HPS3: variants seen among roughly 807,000 people sequenced by gnomAD.
HPS3 encodes HPS3 biogenesis of lysosomal organelles complex 2 subunit 1.
Under a neutral mutation model 110.9 loss-of-function variants are expected in HPS3, and 79 were observed. The ratio of observed to expected loss-of-function variants is 0.71; its 90% CI spans 0.59 to 0.86. The LOEUF (loss-of-function observed/expected upper bound fraction) is 0.86. HPS3 is among the 40% of genes least tolerant of loss of function. The probability of loss-of-function intolerance (pLI) is 0.00; values close to 1 mark genes in which losing one functional copy is unlikely to be tolerated. For missense variants in HPS3, 1,197 were observed against 1,206.2 expected (o/e 0.99, Z 0.11); for synonymous variants, 428 against 451.0 (o/e 0.95, Z 0.65).
chr3:149,157,314 T>C (rs1490049768), intron 8 of HPS3, 36 bp from the exon 9 acceptor site: 1 of 1,575,484 alleles, frequency 6.3e-7, no homozygotes, highest in Non-Finnish European at 8.7e-7. Flanking sequence ...TGAGAGTCTC[T>C]CTTCAGCAAC....
At chr3:149,152,679 T>C (rs1723206901) in intron 6 of HPS3, among the ~76,000 whole-genome samples, 1 of 152,214 alleles carries the variant, frequency 6.6e-6, no homozygotes, top group South Asian at 2.1e-4. Context: ...CTCCTTTTCC[T>C]CTGAGATTCT....
At chr3:149,170,949 A>AT (rs1007773990) in intron 16 of HPS3, among the ~76,000 whole-genome samples, 5 of 151,866 alleles carry the variant, frequency 3.3e-5, no homozygotes, top group Admixed American at 3.3e-4. Context: ...ATAAAGTTGC[A>AT]TTTTTTTTAA....
At chr3:149,146,782 T>C (rs1273961201) in intron 5 of HPS3, among the ~76,000 whole-genome samples, 2 of 152,182 alleles carry the variant, frequency 1.3e-5, no homozygotes, top group African/African-American at 2.4e-5. Context: ...AAGTGTTGTG[T>C]AGTGATGTTC....
chr3:149,162,268 G>T lies in HPS3; in HGVS notation c.2227G>T (p.Ala743Ser). 1 of 1,613,988 alleles carries T rather than the reference G, an allele frequency of 6.2e-7. No individual in the cohort carries two copies. The highest frequency in any genetic ancestry group is 8.5e-7 in the Non-Finnish European group (1 of 1,179,922). The change falls in exon 12 of 17, where the codon GCT (alanine) becomes TCT (serine). Residue 743 changes from alanine to serine, a missense_variant. Transcript: ENST00000296051. ...LKETQPGLLV[A>S]SVLGLQKNNK... ...GGAAACTCAGCCTGGATTGCTTGTG[G>T]CTTCAGTTCTGGGCTTGCAGAAGAA...
intron 13 of HPS3, 131 bp from the exon 14 acceptor site, chr3:149,163,711 C>G: frequency 1.7e-6 from 1 of 596,200 alleles, no homozygotes. Context: ...ACTTTCCTTC[C>G]CATTCCCAGG....
At chr3:149,171,151 A>C (rs1318234122) in intron 16 of HPS3, among the ~76,000 whole-genome samples, 1 of 151,986 alleles carries the variant, frequency 6.6e-6, no homozygotes, top group Non-Finnish European at 1.5e-5. Context: ...GGTGGTGCGC[A>C]CCTGTAGTCC....
At chr3:149,132,630 TC>T (rs2108116895) in intron 1 of HPS3, among the ~76,000 whole-genome samples, 1 of 152,348 alleles carries the variant, frequency 6.6e-6, no homozygotes, top group African/African-American at 2.4e-5. Flanking sequence ...CAGCATCCAT[TC>T]CGCAGCCCAT....
chr3:149,130,012 T>A, intron 1 of HPS3, 72 bp downstream of exon 1: 1 of 1,390,896 alleles, frequency 7.2e-7, no homozygotes, highest in Non-Finnish European at 9.8e-7. Flanking sequence ...ACCGAACGTC[T>A]GGGCTGTAGC....
intron 1 of HPS3, among the ~76,000 whole-genome samples, chr3:149,131,273 GT>G (rs897288908): frequency 6.6e-6 from 1 of 151,546 alleles, no homozygotes; most frequent in Non-Finnish European, 1.5e-5. Context: ...GGCATACCTT[GT>G]TTTTTTTGCA....
chr3:149,171,866 G>A (rs186411588), intron 16 of HPS3, among the ~76,000 whole-genome samples: 5 of 151,840 alleles, frequency 3.3e-5, no homozygotes, highest in African/African-American at 1.2e-4. Flanking sequence ...CACCATGCCC[G>A]GCTAATTTTT....
At position 149,141,194 on chromosome 3, in the gene HPS3, A is replaced by G. The variant is rs767875239; in HGVS notation, c.884+6A>G. On this transcript the variant is annotated splice_donor_region_variant and intron_variant, in intron 3 of 16. Coordinates refer to ENST00000296051, the MANE Select transcript of HPS3 (RefSeq NM_032383.5). ...TTTCAGCACCTGCTCTATAGGTATTATAGTGCTTTTTTTTTTTTTACCAGC... is the reference window on the plus strand; with the variant it reads ...TTTCAGCACCTGCTCTATAGGTATTGTAGTGCTTTTTTTTTTTTTACCAGC... The G allele has an allele frequency of 1.6e-5, 23 of 1,431,616 alleles. No homozygotes were observed. The East Asian group carries it at 4.2e-4, about 26-fold the overall frequency. 88.7% of individuals were successfully genotyped at this position (1,431,616 alleles called of 1,614,324 possible). A position where few individuals can be genotyped will look rare whatever the true frequency, so the allele number is the denominator to read the frequency against.
At chr3:149,166,486 C>T (rs774115042) in intron 14 of HPS3, among the ~76,000 whole-genome samples, 11 of 152,238 alleles carry the variant, frequency 7.2e-5, no homozygotes, top group Non-Finnish European at 1.5e-4. Flanking sequence ...TAAAACTGAT[C>T]ATGTTCAGAA....
At chr3:149,159,350 G>A (rs745853718) in intron 10 of HPS3, among the ~76,000 whole-genome samples, 12 of 152,146 alleles carry the variant, frequency 7.9e-5, no homozygotes, top group Non-Finnish European at 1.2e-4. Flanking sequence ...ATCACTTGAA[G>A]CCAGAAGTTT....
intron 4 of HPS3, among the ~76,000 whole-genome samples, chr3:149,142,770 G>T (rs960227911): frequency 1.3e-5 from 2 of 152,144 alleles, no homozygotes; most frequent in Non-Finnish European, 2.9e-5. Context: ...ATTGTCTAGT[G>T]GGGGAAGGGA....
rs775492008 is a variant in HPS3 at position 149,129,887 on chromosome 3, G to T, written c.164G>T (p.Arg55Leu). The T allele has an allele frequency of 1.9e-6, 3 of 1,588,468 alleles. No homozygotes were observed. Among genetic ancestry groups the T allele is most frequent in the Non-Finnish European group, 2.6e-6 (3 of 1,172,994 alleles). ...AVAGQELCQP[R>L]CAFSTLGRVL... ...GCCGGCCAGGAGCTGTGCCAGCCGC[G>T]GTGCGCCTTCTCCACGCTGGGCCGG... The change falls in exon 1 of 17, where the codon CGG (arginine) becomes CTG (leucine). Residue 55 changes from arginine (R) to leucine (L), a missense_variant. By Grantham distance (102) the Arg-to-Leu change is moderately radical (BLOSUM62 -2). Coordinates refer to ENST00000296051, the MANE Select transcript of HPS3 (RefSeq NM_032383.5).
Position 149,167,239 on chromosome 3 carries a change from G to T in HPS3, c.2795G>T (p.Arg932Leu). ...YANHELKEEN[R>L]TLWWKKLLPE... Reference sequence around the variant, plus strand: ...AATCATGAACTGAAAGAAGAGAACCGGGTATGCTTTTTCAGATTATGTTTT... The same window carrying T: ...AATCATGAACTGAAAGAAGAGAACCTGGTATGCTTTTTCAGATTATGTTTT... Residue 932 changes from arginine to leucine, a missense_variant and splice_region_variant, in exon 15 of 17, where the codon CGG (arginine) becomes CTG (leucine). By Grantham distance (102) the Arg-to-Leu change is moderately radical. Transcript: ENST00000296051. 6.2e-7 allele frequency: 1 copy of T among 1,609,748 alleles called. No individual in the cohort carries two copies. The highest frequency in any genetic ancestry group is 8.5e-7 in the Non-Finnish European group (1 of 1,177,286).
chr3:149,160,070 A>G lies in HPS3; in HGVS notation c.1897A>G (p.Met633Val). The G allele has an allele frequency of 6.2e-7, 1 of 1,613,848 alleles. No individual in the cohort carries two copies. Among genetic ancestry groups the G allele is most frequent in the Middle Eastern group, 1.7e-4 (1 of 6,060 alleles). The change falls in exon 11 of 17, where the codon ATG becomes GTG. Residue 633 changes from methionine (M) to valine (V), a missense_variant. Met to Val is a conservative substitution (Grantham distance 21). Coordinates refer to ENST00000296051, the MANE Select transcript of HPS3 (RefSeq NM_032383.5). The stretch of plus-strand genomic sequence containing the variant: ...GGAATTAGCAGCAAAAGTGGTTCAG[A>G]TGTTTTATGTGGCTGAGCCAAAGCA... ...NEELAAKVVQ[M>V]FYVAEPKQVP...
rs147159152 is a variant in HPS3 at position 149,155,463 on chromosome 3, G to A, written c.1509+248G>A. On this transcript the variant is annotated intron_variant, in intron 8 of 16. Coordinates refer to ENST00000296051, the MANE Select transcript of HPS3 (RefSeq NM_032383.5). ...TCATACCCACTCTCCTAAGAAGATC[G>A]ATTGGCCAATCTGAACATAGTCTTT... Among the ~76,000 whole-genome samples the A allele has an allele frequency of 3.9e-5, 6 of 152,222 alleles. No homozygotes were observed. The East Asian group carries it at 9.7e-4, about 25-fold the overall frequency.
chr3:149,168,146 T>C, intron 16 of HPS3, 163 bp downstream of exon 16: 1 of 610,532 alleles, frequency 1.6e-6, no homozygotes, highest in Middle Eastern at 4.5e-4. Context: ...CCCTTGACAT[T>C]TGATATTGAT....
Sources: gnomAD v4.1 joint callset for allele counts (sites outside exome capture counted in the v4.1 genomes callset) on GRCh38, gnomAD v4.1.1 for gene constraint, MANE v1.5 for transcripts, NCBI Gene and HGNC (gene_info 2026-07-23, HGNC 2026-07-21) for gene names.